PCDHGA10: variants seen among roughly 807,000 people sequenced by gnomAD.
PCDHGA10 encodes protocadherin gamma subfamily A, 10.
In PCDHGA10, 42 loss-of-function variants were observed where a neutral mutation model predicts 59.5. The ratio of observed to expected loss-of-function variants is 0.71; its 90% confidence interval spans 0.55 to 0.91. The LOEUF is 0.91. Ranked by LOEUF, PCDHGA10 falls within the 40% of genes least tolerant of loss-of-function variation. The probability of loss-of-function intolerance (pLI) is 0.00; values close to 1 mark genes in which losing one functional copy is unlikely to be tolerated. For missense variants in PCDHGA10, 1,111 were observed against 1,198.2 expected, an observed-to-expected ratio of 0.93 and a Z score of 1.07; for synonymous variants, 511 against 517.2, an observed-to-expected ratio of 0.99 and a Z score of 0.16.
intron 1 of PCDHGA10, among the ~76,000 whole-genome samples, chr5:141,472,718 G>A (rs980710833): frequency 1.3e-5 from 2 of 152,002 alleles, no homozygotes; most frequent in Non-Finnish European, 2.9e-5. Context: ...AGGCGCTGTG[G>A]CTCACACCTG....
At chr5:141,448,921 G>A (rs1323304761) in intron 1 of PCDHGA10, among the ~76,000 whole-genome samples, 3 of 152,120 alleles carry the variant, frequency 2.0e-5, no homozygotes, top group Admixed American at 1.3e-4. Flanking sequence ...CTCCAGCCTG[G>A]GCGACAGAGC....
chr5:141,478,414 C>T, intron 1 of PCDHGA10: 1 of 1,613,630 alleles, frequency 6.2e-7, no homozygotes, highest in Non-Finnish European at 8.5e-7. Context: ...CCACGGACTC[C>T]CGCCGCAGCG....
At chr5:141,494,215 G>T (rs984086536) in intron 1 of PCDHGA10, among the ~76,000 whole-genome samples, 2 of 152,200 alleles carry the variant, frequency 1.3e-5, no homozygotes, top group Non-Finnish European at 2.9e-5. Context: ...GCCCAATCTG[G>T]CATGACTCCT....
Position 141,494,803 on chromosome 5 carries a change from A to G in PCDHGA10, c.2437-4A>G. On this transcript the variant is annotated splice_polypyrimidine_tract_variant and splice_region_variant and intron_variant, in intron 1 of 3. Transcript: ENST00000398610. ...CAGCCCCTTTCCCTCTGTTTTCTCC[A>G]CAGCAAGCCCCGCCCAACACGGACT... The G allele has an allele frequency of 6.2e-7, 1 of 1,613,646 alleles. No individual in the cohort carries two copies. Among genetic ancestry groups the G allele is most frequent in the Non-Finnish European group, 8.5e-7 (1 of 1,179,900 alleles).
intron 1 of PCDHGA10, chr5:141,419,543 G>A (rs573594140): frequency 2.5e-5 from 40 of 1,612,106 alleles, no homozygotes; most frequent in African/African-American, 2.0e-4. Context: ...CGCACCGCGG[G>A]TGCTGTACCC....
intron 1 of PCDHGA10, chr5:141,433,024 C>A: frequency 6.2e-7 from 1 of 1,614,168 alleles, no homozygotes; most frequent in African/African-American, 1.3e-5. Flanking sequence ...CCTATTCCCA[C>A]GAGGTTTCCC....
rs1273620361 is a variant in PCDHGA10, at chr5:141,486,809, A to G, written c.2437-7998A>G. 1 of 1,614,106 alleles carries G rather than the reference A, an allele frequency of 6.2e-7. No homozygotes were observed. The highest frequency in any genetic ancestry group is 1.3e-5 in the African/African-American group (1 of 74,936). On this transcript the variant is annotated intron_variant, in intron 1 of 3. Coordinates refer to ENST00000398610, the MANE Select transcript of PCDHGA10 (RefSeq NM_018913.3). This position sits in a 1 kb window ranked among gnomAD's most constrained non-coding sequence, Gnocchi z 5.0. ...CCGGGATCGGGGCAACCCACCCCTT[A>G]GCAGCACTGTAACAGTTCGTCTATT...
At chr5:141,442,452 CA>C (rs2098325918) in intron 1 of PCDHGA10, 1 of 152,226 alleles carries the variant, frequency 6.6e-6, no homozygotes, top group Admixed American at 6.5e-5. Flanking sequence ...GACTCAATAG[CA>C]GTTTCACTGC....
chr5:141,413,117 C>A lies in PCDHGA10; in HGVS notation c.-59C>A. 1 of 1,509,120 alleles carries A rather than the reference C, an allele frequency of 6.6e-7. No individual in the cohort carries two copies. The highest frequency in any genetic ancestry group is 8.9e-7 in the Non-Finnish European group (1 of 1,124,526). The allele number at this position is 1,509,120 out of a possible 1,614,324, so 93.5% of individuals were successfully genotyped here. Reference sequence around the variant, plus strand: ...TGAAGCCACAGAAAGACAAAGGAACCGGTTGAAACACACAACGTGTCCAGT... The same window carrying A: ...TGAAGCCACAGAAAGACAAAGGAACAGGTTGAAACACACAACGTGTCCAGT... On this transcript the variant is annotated 5_prime_UTR_variant, in exon 1 of 4. Coordinates refer to ENST00000398610, the MANE Select transcript of PCDHGA10 (RefSeq NM_018913.3).
In PCDHGA10 at chr5:141,491,996, G is replaced by T; in HGVS notation, c.2437-2811G>T. ...TCCTTCGAGCTTCCGGTGAATTTCG[G>T]GCGATTTCCGCGGGTGTCGGGGGTC... is the stretch of plus-strand genomic sequence containing the variant. On this transcript the variant is annotated intron_variant, in intron 1 of 3. Coordinates refer to ENST00000398610, the MANE Select transcript of PCDHGA10 (RefSeq NM_018913.3). This position sits in a 1 kb window ranked among gnomAD's most constrained non-coding sequence, Gnocchi z 6.9. The T allele has an allele frequency of 2.9e-6, 2 of 686,328 alleles. No individual in the cohort carries two copies. Among genetic ancestry groups the T allele is most frequent in the Non-Finnish European group, 4.5e-6 (2 of 441,080 alleles). 42.5% of individuals were successfully genotyped at this position (686,328 alleles called of 1,614,324 possible). A position where few individuals can be genotyped will look rare whatever the true frequency, so the allele number is the denominator to read the frequency against.
Position 141,432,608 on chromosome 5 carries a change from T to G in PCDHGA10, c.2436+16997T>G. ...GCTCAAGGCCAGCGAGCCGGGACTC[T>G]TCTCGGTGGGTCTGCACACGGGCGA... On this transcript the variant is annotated intron_variant, in intron 1 of 3. Transcript: ENST00000398610. This position sits in a 1 kb window ranked among gnomAD's most constrained non-coding sequence, Gnocchi z 6.0. The G allele has an allele frequency of 6.2e-7, 1 of 1,613,864 alleles. No individual in the cohort carries two copies. The highest frequency in any genetic ancestry group is 8.5e-7 in the Non-Finnish European group (1 of 1,179,964).
chr5:141,432,120 A>G lies in PCDHGA10; in HGVS notation c.2436+16509A>G, dbSNP rs764363553. 12 of 1,613,978 alleles carry G rather than the reference A, an allele frequency of 7.4e-6. No homozygotes were observed. The highest frequency in any genetic ancestry group is 5.3e-5 in the African/African-American group (4 of 74,894). ...AACGACAACCCGCCGGTCTTCCCTCAGGCCTCCTATTCCGCTTATATCCCA... is the reference window on the plus strand; with the variant it reads ...AACGACAACCCGCCGGTCTTCCCTCGGGCCTCCTATTCCGCTTATATCCCA... On this transcript the variant is annotated intron_variant, in intron 1 of 3. Transcript: ENST00000398610. The surrounding 1 kb of genome is among the most constrained non-coding windows in gnomAD (Gnocchi z 6.0).
chr5:141,500,467 C>T lies in PCDHGA10; in HGVS notation c.2496-4926C>T, dbSNP rs368360639. 6.6e-5 allele frequency among the ~76,000 whole-genome samples: 10 copies of T among 152,262 alleles called. No homozygotes were observed. In the South Asian group the frequency reaches 2.1e-3, roughly 32 times the overall value. ...CTCGTGATCCGCCCGCCTCGGCCTC[C>T]CAAAGTGCTGGGATTACAGGCGTGA... is the stretch of plus-strand genomic sequence containing the variant. On this transcript the variant is annotated intron_variant, in intron 2 of 3. Coordinates refer to ENST00000398610, the MANE Select transcript of PCDHGA10 (RefSeq NM_018913.3).
rs1161697588 is a variant in PCDHGA10, at chr5:141,491,464, T to C, written c.2437-3343T>C. 7 of 1,613,982 alleles carry C rather than the reference T, an allele frequency of 4.3e-6. No homozygotes were observed. In the African/African-American group the frequency reaches 9.3e-5, roughly 22 times the overall value. On this transcript the variant is annotated intron_variant, in intron 1 of 3. Transcript: ENST00000398610. This position sits in a 1 kb window ranked among gnomAD's most constrained non-coding sequence, Gnocchi z 6.9. ...CCAGGACTCACCCTCCCCGGACTTCTATAAGCAGTCCAGCCCCAACCTGCA... is the reference window on the plus strand; with the variant it reads ...CCAGGACTCACCCTCCCCGGACTTCCATAAGCAGTCCAGCCCCAACCTGCA...
intron 1 of PCDHGA10, chr5:141,427,959 C>A: frequency 1.3e-6 from 2 of 1,588,886 alleles, no homozygotes; most frequent in Non-Finnish European, 1.7e-6. Flanking sequence ...CAATGTGCCG[C>A]GGGTGCTGTA....
intron 1 of PCDHGA10, among the ~76,000 whole-genome samples, chr5:141,474,672 T>C (rs1203448521): frequency 2.0e-5 from 3 of 152,228 alleles, no homozygotes; most frequent in Non-Finnish European, 4.4e-5. Flanking sequence ...ACCTAACCTA[T>C]GTGCCTACCC....
intron 1 of PCDHGA10, among the ~76,000 whole-genome samples, chr5:141,469,403 C>T (rs902543178): frequency 4.6e-5 from 7 of 152,060 alleles, no homozygotes; most frequent in South Asian, 2.1e-4. Context: ...GGTGAAACCC[C>T]GTTTCTACTA....
In PCDHGA10 at chr5:141,415,560, GT is replaced by G; in HGVS notation, c.2386del (p.Ser796LeufsTer3). ...AGAGCTGTGAGAAAAACGATCCTTT[GT>G]CTTTGTTAGATGATTCGAAGTTTCC... The part of the protein sequence containing the change: ...QESCEKNDPL[S>X]LLDDSKFPIE... On this transcript the variant is annotated frameshift_variant, in exon 1 of 4. Coordinates refer to ENST00000398610, the MANE Select transcript of PCDHGA10 (RefSeq NM_018913.3). LOFTEE classifies it high-confidence loss of function. 6.2e-7 allele frequency: 1 copy of G among 1,613,936 alleles called. No homozygotes were observed. The highest frequency in any genetic ancestry group is 8.5e-7 in the Non-Finnish European group (1 of 1,180,012).
chr5:141,471,926 G>A (rs2099266798), intron 1 of PCDHGA10, among the ~76,000 whole-genome samples: 2 of 152,110 alleles, frequency 1.3e-5, no homozygotes. Flanking sequence ...AATTTTGGGG[G>A]TGATGAGAGT....
Sources: gnomAD v4.1 joint callset for allele counts (sites outside exome capture counted in the v4.1 genomes callset) on GRCh38, gnomAD v4.1.1 for gene constraint, Gnocchi (gnomAD v3.1) non-coding constraint, MANE v1.5 for transcripts, NCBI Gene and HGNC (gene_info 2026-07-23, HGNC 2026-07-21) for gene names.